Variants in COPS7B observed in about 807,000 individuals in gnomAD.
COPS7B encodes the protein COP9 signalosome subunit 7B, also known as COP9 signalosome complex subunit 7b.
COPS7B carries 9 observed loss-of-function variants against 33.4 expected under a neutral mutation model. The observed-to-expected ratio is 0.27, with a 90% CI of 0.16 to 0.47. The LOEUF is 0.47. Among genes scored for constraint, COPS7B ranks in the 20% least tolerant of loss-of-function variants. The probability of loss-of-function intolerance (pLI) is 0.99; values close to 1 mark genes in which losing one functional copy is unlikely to be tolerated. For missense variants in COPS7B, 242 were observed against 318.2 expected, an observed-to-expected ratio of 0.76 and a Z score of 1.82; for synonymous variants, 119 against 126.3, an observed-to-expected ratio of 0.94 and a Z score of 0.39.
intron 4 of COPS7B, among the ~76,000 whole-genome samples, chr2:231,795,597 AT>A (rs1355334926): frequency 6.6e-6 from 1 of 152,232 alleles, no homozygotes; most frequent in Non-Finnish European, 1.5e-5. Flanking sequence ...GAGAAAACAG[AT>A]ACAAACTTCA....
At chr2:231,792,355 G>A (rs1207098398) in intron 3 of COPS7B, 3 of 256,360 alleles carry the variant, frequency 1.2e-5, no homozygotes, top group Non-Finnish European at 2.3e-5. Flanking sequence ...AGCTCGGCGT[G>A]GTGGTGGGCG....
intron 6 of COPS7B, chr2:231,801,055 A>T: frequency 9.5e-7 from 1 of 1,049,154 alleles, no homozygotes; most frequent in Non-Finnish European, 1.4e-6. Flanking sequence ...GTTTGTATTT[A>T]TGCCTCTGTT....
At chr2:231,788,906 C>A in intron 2 of COPS7B, 174 bp downstream of exon 2, 1 of 550,434 alleles carries the variant, frequency 1.8e-6, no homozygotes, top group Non-Finnish European at 3.1e-6. Context: ...CTCCTTTTAT[C>A]CAGTATTTTT....
chr2:231,797,810 G>C (rs1481326508), intron 5 of COPS7B, among the ~76,000 whole-genome samples: 2 of 152,174 alleles, frequency 1.3e-5, no homozygotes, highest in Non-Finnish European at 2.9e-5. Flanking sequence ...ATAGGAGGAG[G>C]GGTATGGCAA....
intron 2 of COPS7B, chr2:231,790,486 C>T (rs1314339400): frequency 6.6e-6 from 1 of 152,200 alleles, no homozygotes; most frequent in Non-Finnish European, 1.5e-5. Flanking sequence ...CTGGAGTTCT[C>T]CATAGGGTGC....
chr2:231,790,981 A>C (rs977834585), intron 2 of COPS7B: 2 of 149,698 alleles, frequency 1.3e-5, no homozygotes, highest in African/African-American at 2.5e-5. Flanking sequence ...CTCATGATCC[A>C]CCCGCCTCGG....
chr2:231,798,653 C>T (rs1291123936), intron 5 of COPS7B, among the ~76,000 whole-genome samples: 2 of 152,220 alleles, frequency 1.3e-5, no homozygotes, highest in African/African-American at 4.8e-5. Context: ...CCCCAGACTA[C>T]CATATTTGTC....
At chr2:231,801,406 A>ACCTC in intron 6 of COPS7B, 1 of 608,790 alleles carries the variant, frequency 1.6e-6, no homozygotes, top group Non-Finnish European at 2.1e-6. Context: ...TTAGAGCATT[A>ACCTC]CAAAGCACTT....
intron 4 of COPS7B, 27 bp downstream of exon 4, chr2:231,794,378 TC>T: frequency 6.3e-7 from 1 of 1,581,936 alleles, no homozygotes; most frequent in Non-Finnish European, 8.7e-7. Flanking sequence ...TCTCTTGTCT[TC>T]CTCCTTACCC....
chr2:231,781,757 A>G (rs138823435), upstream of COPS7B: 330 of 1,376,624 alleles, frequency 2.4e-4, 1 homozygote, highest in East Asian at 7.6e-3. Flanking sequence ...CCGCCCGCTG[A>G]GTTGGTCGTT....
intron 5 of COPS7B, among the ~76,000 whole-genome samples, chr2:231,797,421 A>G (rs1045215166): frequency 1.3e-5 from 2 of 152,234 alleles, no homozygotes; most frequent in Non-Finnish European, 2.9e-5. Flanking sequence ...ATAAGAAATA[A>G]ACTTAGAAAT....
rs1419897188 is a variant in COPS7B at position 231,788,672 on chromosome 2, C to T, written c.102C>T (p.Val34=). Residue 34 remains valine (V), a synonymous_variant, in exon 2 of 7, where the codon GTC becomes GTT. Coordinates refer to ENST00000350033, the MANE Select transcript of COPS7B (RefSeq NM_022730.4). ...CCCTCACTGCTCTCATAAGCCAGGT[C>T]TTAGAGGCTCCCGGAGTGTATGTCT... ...GSALTALISQ[V]LEAPGVYVFG... 3 of 1,614,202 alleles carry T rather than the reference C, an allele frequency of 1.9e-6. No individual in the cohort carries two copies. The South Asian group carries it at 3.3e-5, about 18-fold the overall frequency.
rs1401252593 is a variant in COPS7B at position 231,808,796 on chromosome 2, GGGGTGTGTGT to G, written c.*1153_*1162del. On this transcript the variant is annotated 3_prime_UTR_variant, in exon 7 of 7. Transcript: ENST00000350033. ...CCTGGTTGGAGGGTGGGGGTGGGGT[GGGGTGTGTGT>G]GTGTGTGTGTGTGTGTGTGTGTGTG... The G allele has an allele frequency of 2.0e-5, 1 of 50,500 alleles. No individual in the cohort carries two copies. The highest frequency in any genetic ancestry group is 3.7e-5 in the Non-Finnish European group (1 of 27,136). The allele number at this position is 50,500 out of a possible 1,614,324, so 3.1% of individuals were successfully genotyped here. A position where few individuals can be genotyped will look rare whatever the true frequency, so the allele number is the denominator to read the frequency against.
intron 4 of COPS7B, 96 bp downstream of exon 4, chr2:231,794,447 C>A: frequency 1.0e-6 from 1 of 957,138 alleles, no homozygotes; most frequent in Non-Finnish European, 1.6e-6. Flanking sequence ...ATAGGAGAGT[C>A]ACATCATAAA....
At chr2:231,786,303 C>A, upstream of COPS7B, 1 of 342,872 alleles carries the variant, frequency 2.9e-6, no homozygotes. Flanking sequence ...CTTCCCCGCC[C>A]CCTCGCTCCC....
chr2:231,801,015 C>G (rs918963829), intron 6 of COPS7B: 2 of 783,534 alleles, frequency 2.6e-6, no homozygotes, highest in African/African-American at 3.5e-5. Flanking sequence ...AAGAAATCTA[C>G]AAAGAATCAG....
upstream of COPS7B, among the ~76,000 whole-genome samples, chr2:231,785,207 A>G (rs1422259559): frequency 6.6e-6 from 1 of 152,240 alleles, no homozygotes; most frequent in Non-Finnish European, 1.5e-5. Context: ...AGCACCTAGC[A>G]TGATCACTCT....
chr2:231,801,879 A>G (rs899052797), intron 6 of COPS7B, among the ~76,000 whole-genome samples: 3 of 152,000 alleles, frequency 2.0e-5, no homozygotes, highest in Non-Finnish European at 4.4e-5. Flanking sequence ...GGTTCAAGCA[A>G]TTCTCATGCT....
chr2:231,803,049 G>A (rs1187234476), intron 6 of COPS7B, among the ~76,000 whole-genome samples: 3 of 152,224 alleles, frequency 2.0e-5, no homozygotes, highest in Non-Finnish European at 4.4e-5. Flanking sequence ...AAGTGGTAAC[G>A]ACTGTAGAGG....
Sources: allele counts gnomAD v4.1 joint callset (sites outside exome capture counted in the v4.1 genomes callset), GRCh38; gene constraint gnomAD v4.1.1; transcripts MANE v1.5; gene names NCBI Gene and HGNC (gene_info 2026-07-23, HGNC 2026-07-21).